Variants in LARP4B observed in about 807,000 individuals in gnomAD.
LARP4B encodes the protein La ribonucleoprotein 4B, also known as la-related protein 4B.
In LARP4B, 12 loss-of-function variants were observed where a neutral mutation model predicts 89.8. That is an observed-to-expected ratio of 0.13 (90% CI 0.09 to 0.22). LARP4B has a LOEUF of 0.22. LARP4B is among the 10% of genes least tolerant of loss of function. The pLI is 1.00. For missense variants in LARP4B, 757 were observed against 947.7 expected (o/e 0.80, Z 2.64); for synonymous variants, 367 against 363.3 (o/e 1.01, Z -0.12).
rs569867267 is a variant in LARP4B, at chr10:844,009, G to T, written c.510-941C>A. On this transcript the variant is annotated intron_variant, in intron 6 of 17. Transcript: ENST00000316157. ...GTGAATTCTCAAGGCATCATGTAAT[G>T]TAGTGAACAAGGCCCTAAGAAACAT... Among the ~76,000 whole-genome samples, 3 of 152,364 alleles carry T rather than the reference G, an allele frequency of 2.0e-5. No individual in the cohort carries two copies. The East Asian group carries it at 5.8e-4, about 29-fold the overall frequency.
chr10:959,836 G>C, the LARP4B span, among the ~76,000 whole-genome samples: 3 of 92,978 alleles, frequency 3.2e-5, no homozygotes, highest in Non-Finnish European at 4.1e-5. Flanking sequence ...CCACCTCCTC[G>C]TCATTCCCAC....
chr10:888,350 ACACAC>A (rs966578262), intron 1 of LARP4B, among the ~76,000 whole-genome samples: 11 of 135,834 alleles, frequency 8.1e-5, no homozygotes, highest in African/African-American at 2.3e-4. Flanking sequence ...AAAAAAAAAA[ACACAC>A]ACACACACAC....
intron 1 of LARP4B, among the ~76,000 whole-genome samples, chr10:896,775 A>C (rs1232922548): frequency 6.6e-6 from 1 of 152,156 alleles, no homozygotes; most frequent in Non-Finnish European, 1.5e-5. Context: ...TTAGACCAAA[A>C]GCTTGAGAAC....
the LARP4B span, among the ~76,000 whole-genome samples, chr10:962,298 CAA>C: frequency 2.8e-4 from 17 of 60,622 alleles, no homozygotes; most frequent in East Asian, 4.8e-4. Flanking sequence ...ACTCCATCTC[CAA>C]AAAAAAAAAA....
the LARP4B span, among the ~76,000 whole-genome samples, chr10:976,965 G>C: frequency 6.6e-6 from 1 of 152,098 alleles, no homozygotes; most frequent in African/African-American, 2.4e-5. Flanking sequence ...GTTGTGTAAT[G>C]TGTGGACCCG....
At chr10:892,951 C>A (rs1293806362) in intron 1 of LARP4B, among the ~76,000 whole-genome samples, 2 of 148,580 alleles carry the variant, frequency 1.3e-5, no homozygotes, top group Non-Finnish European at 3.0e-5. Flanking sequence ...TGCTCTGTCA[C>A]CCAGGCTGGA....
At chr10:945,514 G>GA in the LARP4B span, among the ~76,000 whole-genome samples, 1 of 147,774 alleles carries the variant, frequency 6.8e-6, no homozygotes, top group Non-Finnish European at 1.5e-5. Flanking sequence ...GTGAAACCCC[G>GA]TCTCTACTAA....
chr10:872,236 C>T (rs530214100), intron 3 of LARP4B, among the ~76,000 whole-genome samples: 39 of 152,360 alleles, frequency 2.6e-4, no homozygotes, highest in African/African-American at 7.5e-4. Flanking sequence ...CATGGCTGAA[C>T]GCCACAGGCT....
At chr10:923,986 A>C (rs902011929) in intron 1 of LARP4B, among the ~76,000 whole-genome samples, 1 of 152,218 alleles carries the variant, frequency 6.6e-6, no homozygotes, top group Non-Finnish European at 1.5e-5. Flanking sequence ...GCAATGGCTC[A>C]CATCTGTAAT....
At chr10:982,116 CTTTT>C in the LARP4B span, among the ~76,000 whole-genome samples, 296 of 45,986 alleles carry the variant, frequency 6.4e-3, no homozygotes, top group South Asian at 0.029. Flanking sequence ...TTCTTTCTTT[CTTTT>C]TTTTTTTTTT....
chr10:854,838 T>C (rs138928676), intron 5 of LARP4B, among the ~76,000 whole-genome samples: 29 of 152,320 alleles, frequency 1.9e-4, no homozygotes, highest in African/African-American at 6.0e-4. Context: ...TTCTTCTCTT[T>C]AGCTATGAAA....
At chr10:958,908 CAGAA>C in the LARP4B span, among the ~76,000 whole-genome samples, 1 of 152,210 alleles carries the variant, frequency 6.6e-6, no homozygotes, top group African/African-American at 2.4e-5. Context: ...TCTGAAAGAA[CAGAA>C]AGAAACAAAA....
the LARP4B span, among the ~76,000 whole-genome samples, chr10:958,406 A>G: frequency 6.6e-6 from 1 of 152,188 alleles, no homozygotes; most frequent in South Asian, 2.1e-4. Context: ...ACCTCTCCTG[A>G]TGTTCTTCTC....
chr10:853,831 G>A (rs1033077157), intron 5 of LARP4B, among the ~76,000 whole-genome samples: 12 of 152,268 alleles, frequency 7.9e-5, no homozygotes, highest in Admixed American at 3.9e-4. Context: ...GGGTGGCTGC[G>A]GCAATTTCTT....
At chr10:842,787 G>T in intron 7 of LARP4B, 145 bp downstream of exon 7, 1 of 693,158 alleles carries the variant, frequency 1.4e-6, no homozygotes, top group Non-Finnish European at 2.3e-6. Flanking sequence ...TATTGGACCT[G>T]GGCAGAAAGG....
At chr10:892,902 A>ATT (rs56051964) in intron 1 of LARP4B, among the ~76,000 whole-genome samples, 25 of 117,942 alleles carry the variant, frequency 2.1e-4, no homozygotes, top group African/African-American at 4.0e-4. Context: ...ACCAAGAGAA[A>ATT]TTTTTTTTTT....
chr10:847,495 T>A (rs1307803519), intron 5 of LARP4B, among the ~76,000 whole-genome samples: 1 of 151,804 alleles, frequency 6.6e-6, no homozygotes, highest in Non-Finnish European at 1.5e-5. Flanking sequence ...ACAAAGGACA[T>A]AGATTCCTAT....
At chr10:967,634 G>A in the LARP4B span, among the ~76,000 whole-genome samples, 5 of 152,190 alleles carry the variant, frequency 3.3e-5, no homozygotes, top group African/African-American at 7.2e-5. Context: ...CCCTTGCTGC[G>A]GAGAGAATCG....
At chr10:914,473 T>C (rs965351715) in intron 1 of LARP4B, among the ~76,000 whole-genome samples, 14 of 150,188 alleles carry the variant, frequency 9.3e-5, no homozygotes, top group Non-Finnish European at 1.9e-4. Context: ...CACTCCAGCC[T>C]GGGCTACAGA....
Sources: gnomAD v4.1 joint callset for allele counts (sites outside exome capture counted in the v4.1 genomes callset) on GRCh38, gnomAD v4.1.1 for gene constraint, MANE v1.5 for transcripts, NCBI Gene and HGNC (gene_info 2026-07-23, HGNC 2026-07-21) for gene names.